Variants in PLCB1 observed in about 807,000 individuals in gnomAD.
The protein encoded by PLCB1 is phospholipase C beta 1.
In PLCB1, 46 loss-of-function variants were observed where a neutral mutation model predicts 161.8. The observed-to-expected ratio is 0.28, with a 90% CI of 0.22 to 0.36. The LOEUF (loss-of-function observed/expected upper bound fraction) is 0.36, where lower values mean the gene tolerates loss of function less well. Among genes scored for constraint, PLCB1 ranks in the 10% least tolerant of loss-of-function variants. The pLI is 1.00. For missense variants in PLCB1, 1,016 were observed against 1,472.5 expected (o/e 0.69, Z 5.07); for synonymous variants, 517 against 503.7 (o/e 1.03, Z -0.35).
At chr20:8,213,038 C>T (rs1978918357) in intron 2 of PLCB1, among the ~76,000 whole-genome samples, 1 of 152,004 alleles carries the variant, frequency 6.6e-6, no homozygotes, top group East Asian at 1.9e-4. Context: ...TCTTCAGGTA[C>T]CTTTGAGATT....
intron 2 of PLCB1, among the ~76,000 whole-genome samples, chr20:8,206,443 A>G (rs1278696121): frequency 1.3e-5 from 2 of 152,190 alleles, no homozygotes; most frequent in Non-Finnish European, 2.9e-5. Flanking sequence ...ATAAAGGAGT[A>G]TGAAGGCATT....
intron 31 of PLCB1, among the ~76,000 whole-genome samples, chr20:8,859,328 A>G (rs1600099489): frequency 6.6e-6 from 1 of 152,238 alleles, no homozygotes; most frequent in South Asian, 2.1e-4. Context: ...CCACATTAAG[A>G]AAATCATAAC....
At chr20:8,760,337 T>C (rs1981953851) in intron 24 of PLCB1, 70 bp from the exon 25 acceptor site, 1 of 903,332 alleles carries the variant, frequency 1.1e-6, no homozygotes, top group Non-Finnish European at 1.8e-6. Context: ...CCAAATATGT[T>C]TGTTTGTTTA....
intron 3 of PLCB1, among the ~76,000 whole-genome samples, chr20:8,446,751 C>T (rs189530341): frequency 1.6e-3 from 247 of 152,144 alleles, no homozygotes; most frequent in African/African-American, 5.8e-3. Flanking sequence ...AGAAGGAGAC[C>T]GTTTAGTGTA....
At chr20:8,237,765 A>AC (rs1289564497) in intron 2 of PLCB1, among the ~76,000 whole-genome samples, 2 of 152,076 alleles carry the variant, frequency 1.3e-5, no homozygotes, top group African/African-American at 4.8e-5. Flanking sequence ...TCAGGCACCA[A>AC]CCATGGGATT....
At chr20:8,689,970 T>TTTTTTTTTTTTTTTTTTTTTTTTGA (rs1555783592) in intron 10 of PLCB1, among the ~76,000 whole-genome samples, 35 of 140,366 alleles carry the variant, frequency 2.5e-4, no homozygotes, top group Middle Eastern at 3.5e-3. Flanking sequence ...TCCAAATTTC[T>TTTTTTTTTTTTTTTTTTTTTTTTGA]GTACAATGGT....
chr20:8,740,788 T>A (rs1409445896), intron 22 of PLCB1, among the ~76,000 whole-genome samples: 1 of 152,148 alleles, frequency 6.6e-6, no homozygotes, highest in African/African-American at 2.4e-5. Flanking sequence ...CCACCAATTT[T>A]AGAATGCTGA....
At chr20:8,722,933 G>A (rs112219465) in intron 15 of PLCB1, among the ~76,000 whole-genome samples, 88 of 152,204 alleles carry the variant, frequency 5.8e-4, no homozygotes, top group African/African-American at 2.0e-3. Flanking sequence ...GCAGGAGGAT[G>A]GCTTGAGTCC....
chr20:8,234,630 G>A (rs1054260163), intron 2 of PLCB1, among the ~76,000 whole-genome samples: 4 of 152,122 alleles, frequency 2.6e-5, no homozygotes, highest in South Asian at 2.1e-4. Flanking sequence ...CAAGACATAC[G>A]CATACTTTAG....
At chr20:8,582,663 TA>T (rs1390779675) in intron 3 of PLCB1, among the ~76,000 whole-genome samples, 1 of 152,112 alleles carries the variant, frequency 6.6e-6, no homozygotes, top group Non-Finnish European at 1.5e-5. Context: ...AAATGGAGTA[TA>T]TCCATACAAT....
intron 4 of PLCB1, among the ~76,000 whole-genome samples, chr20:8,632,974 G>A (rs868830447): frequency 2.3e-4 from 35 of 152,202 alleles, no homozygotes; most frequent in African/African-American, 7.7e-4. Context: ...GACCGCATGG[G>A]GGAGGGGAAA....
intron 2 of PLCB1, among the ~76,000 whole-genome samples, chr20:8,299,414 A>G (rs935614176): frequency 6.6e-6 from 1 of 152,172 alleles, no homozygotes; most frequent in African/African-American, 2.4e-5. Context: ...ACACGTAGAC[A>G]CACACACAAC....
intron 3 of PLCB1, among the ~76,000 whole-genome samples, chr20:8,547,002 G>A (rs1244964596): frequency 5.3e-5 from 8 of 152,074 alleles, no homozygotes; most frequent in Non-Finnish European, 1.2e-4. Context: ...GGAAATCAAG[G>A]CTTGGCATTA....
Position 8,413,728 on chromosome 20 carries a change from A to AT in PLCB1, c.246+42284dup, listed in dbSNP as rs555274720. Among the ~76,000 whole-genome samples, 10 of 152,316 alleles carry AT rather than the reference A, an allele frequency of 6.6e-5. No individual in the cohort carries two copies. The South Asian group carries it at 2.1e-3, about 32-fold the overall frequency. Reference sequence around the variant, plus strand: ...TCTTTCTTTATTTGCGGTATGGGAAATTTTTTAACATATTCTGAATCTTTT... The same window carrying AT: ...TCTTTCTTTATTTGCGGTATGGGAAATTTTTTTAACATATTCTGAATCTTTT... On this transcript the variant is annotated intron_variant, in intron 3 of 31. Transcript: ENST00000338037.
intron 3 of PLCB1, among the ~76,000 whole-genome samples, chr20:8,513,289 A>G (rs1983970597): frequency 6.6e-6 from 1 of 152,192 alleles, no homozygotes; most frequent in South Asian, 2.1e-4. Context: ...GAAATTCACT[A>G]AGCTATGCAG....
intron 26 of PLCB1, among the ~76,000 whole-genome samples, chr20:8,770,031 C>A (rs1982588723): frequency 6.6e-6 from 1 of 151,880 alleles, no homozygotes. Flanking sequence ...CGGCTCACTG[C>A]AAGCTCCGCC....
At chr20:8,710,702 C>T (rs1005739792) in intron 12 of PLCB1, among the ~76,000 whole-genome samples, 11 of 151,714 alleles carry the variant, frequency 7.3e-5, no homozygotes, top group Middle Eastern at 3.2e-3. Context: ...TTAGTAGACA[C>T]GGGGATTCTC....
At chr20:8,515,919 A>G (rs1035761241) in intron 3 of PLCB1, among the ~76,000 whole-genome samples, 1 of 152,186 alleles carries the variant, frequency 6.6e-6, no homozygotes, top group African/African-American at 2.4e-5. Context: ...TTATAAAGGA[A>G]AAAGGTTTAA....
At chr20:8,348,016 C>G (rs190150246) in intron 2 of PLCB1, among the ~76,000 whole-genome samples, 1 of 151,996 alleles carries the variant, frequency 6.6e-6, no homozygotes, top group Non-Finnish European at 1.5e-5. Context: ...CTTAAGAAAC[C>G]AGGTAGTAAG....
Sources: gnomAD v4.1 joint callset for allele counts (sites outside exome capture counted in the v4.1 genomes callset) on GRCh38, gnomAD v4.1.1 for gene constraint, MANE v1.5 for transcripts, NCBI Gene and HGNC (gene_info 2026-07-23, HGNC 2026-07-21) for gene names.